The following EPHA7 variants were observed in gnomAD, a reference collection of about 807,000 sequenced individuals.
The protein encoded by EPHA7 is ephrin type-A receptor 7.
EPHA7 carries 25 observed loss-of-function variants against 112.6 expected under a neutral mutation model. The observed-to-expected ratio is 0.22, with a 90% CI of 0.16 to 0.31. EPHA7 has a LOEUF of 0.31. Ranked by LOEUF, EPHA7 falls within the 10% of genes least tolerant of loss-of-function variation. The probability of loss-of-function intolerance (pLI) is 1.00; values close to 1 mark genes in which losing one functional copy is unlikely to be tolerated. For synonymous variants in EPHA7, 437 were observed against 406.5 expected, an observed-to-expected ratio of 1.07 and a Z score of -0.90; for missense variants, 962 against 1,212.6, an observed-to-expected ratio of 0.79 and a Z score of 3.07.
rs533414250 is a variant in EPHA7, at chr6:93,272,892, T to C, written c.1325-470A>G. Among the ~76,000 whole-genome samples the C allele has an allele frequency of 3.0e-4, 46 of 152,084 alleles. No homozygotes were observed. In the South Asian group the frequency reaches 3.1e-3, roughly 10 times the overall value. On this transcript the variant is annotated intron_variant, in intron 5 of 16. Coordinates refer to ENST00000369303, the MANE Select transcript of EPHA7 (RefSeq NM_004440.4). ...ATTAAAGGAATCATATTTTTAAAAA[T>C]GTTTCCATGTTTCACTTGGTGTGTG...
chr6:93,295,513 A>G (rs1741215802), intron 5 of EPHA7, among the ~76,000 whole-genome samples: 1 of 151,402 alleles, frequency 6.6e-6, no homozygotes, highest in African/African-American at 2.4e-5. Flanking sequence ...TTATCTAATT[A>G]TACTTAAATA....
At chr6:93,412,034 C>T (rs946443322) in intron 2 of EPHA7, among the ~76,000 whole-genome samples, 1 of 152,026 alleles carries the variant, frequency 6.6e-6, no homozygotes, top group African/African-American at 2.4e-5. Context: ...GCAACAATTT[C>T]AAACTATTAA....
chr6:93,413,620 T>C (rs1187788934), intron 2 of EPHA7, among the ~76,000 whole-genome samples: 2 of 151,920 alleles, frequency 1.3e-5, no homozygotes, highest in Admixed American at 6.6e-5. Flanking sequence ...TTATATTTAA[T>C]CTGTAAAATG....
chr6:93,286,155 CACACACACACCCT>C (rs1772050410), intron 5 of EPHA7, among the ~76,000 whole-genome samples: 1 of 152,022 alleles, frequency 6.6e-6, no homozygotes, highest in African/African-American at 2.4e-5. Flanking sequence ...TACACACACA[CACACACACACCCT>C]ACACACACAC....
At position 93,246,852 on chromosome 6, in the gene EPHA7, A is replaced by G. The variant is rs1769976745; in HGVS notation, c.2666T>C (p.Ile889Thr). 6.2e-7 allele frequency: 1 copy of G among 1,613,770 alleles called. No individual in the cohort carries two copies. Among genetic ancestry groups the G allele is most frequent in the African/African-American group, 1.3e-5 (1 of 74,910 alleles). ...TGGGTTTCGAATCATTTTGTCTAGA[A>G]TTCCAACTATCTGTTCAAATTTTGG... ...ERPKFEQIVGILDKMIRNPNS... is the reference protein window; with the variant it reads ...ERPKFEQIVGTLDKMIRNPNS... The change falls in exon 15 of 17, where the codon ATT (isoleucine) becomes ACT (threonine). Residue 889 changes from isoleucine (I) to threonine (T), a missense_variant. Coordinates refer to ENST00000369303, the MANE Select transcript of EPHA7 (RefSeq NM_004440.4).
intron 3 of EPHA7, among the ~76,000 whole-genome samples, chr6:93,376,225 C>T (rs143373277): frequency 6.6e-6 from 1 of 152,150 alleles, no homozygotes; most frequent in Non-Finnish European, 1.5e-5. Context: ...TCACTGTAGC[C>T]TCAATTGCTG....
chr6:93,313,383 G>A (rs164289), intron 5 of EPHA7, among the ~76,000 whole-genome samples: 93,279 of 151,756 alleles, frequency 0.61, 28,884 homozygotes, highest in African/African-American at 0.71. Context: ...TATAGATGAA[G>A]AGTTGGGAAA....
chr6:93,370,741 G>A (rs946917609), intron 3 of EPHA7, among the ~76,000 whole-genome samples: 1 of 151,988 alleles, frequency 6.6e-6, no homozygotes, highest in African/African-American at 2.4e-5. Context: ...GGAGGGGCAC[G>A]ACAAAACTAA....
intron 7 of EPHA7, among the ~76,000 whole-genome samples, chr6:93,265,763 G>A (rs1181532641): frequency 6.6e-6 from 1 of 151,582 alleles, no homozygotes; most frequent in African/African-American, 2.4e-5. Flanking sequence ...TTAATTTAAG[G>A]CAGGATGGGA....
At chr6:93,309,459 A>ATATTT (rs1773421229) in intron 5 of EPHA7, among the ~76,000 whole-genome samples, 1 of 152,076 alleles carries the variant, frequency 6.6e-6, no homozygotes, top group African/African-American at 2.4e-5. Context: ...TTTTTTCAGC[A>ATATTT]CTTATAATCA....
At chr6:93,321,199 C>T (rs1219809547) in intron 5 of EPHA7, among the ~76,000 whole-genome samples, 1 of 151,930 alleles carries the variant, frequency 6.6e-6, no homozygotes, top group Non-Finnish European at 1.5e-5. Flanking sequence ...CTGGTCTCCA[C>T]CAAGTTTGTC....
At chr6:93,328,547 G>T in intron 5 of EPHA7, among the ~76,000 whole-genome samples, 1 of 151,400 alleles carries the variant, frequency 6.6e-6, no homozygotes, top group East Asian at 1.9e-4. Flanking sequence ...TTTCTAAAGT[G>T]CATCATAAGT....
Position 93,302,655 on chromosome 6 carries a change from T to A in EPHA7, c.1325-30233A>T, listed in dbSNP as rs530032534. 6.6e-5 allele frequency among the ~76,000 whole-genome samples: 10 copies of A among 152,236 alleles called. No homozygotes were observed. In the South Asian group the frequency reaches 1.9e-3, roughly 28 times the overall value. On this transcript the variant is annotated intron_variant, in intron 5 of 16. Coordinates refer to ENST00000369303, the MANE Select transcript of EPHA7 (RefSeq NM_004440.4). ...CAACATATATTTGAAACAGAGATAA[T>A]TTAATTTATGAAGTTGTTTATACAG...
In EPHA7 at chr6:93,407,448, C is replaced by A. The variant is rs547981489; in HGVS notation, c.832+3053G>T. 1.7e-4 allele frequency among the ~76,000 whole-genome samples: 26 copies of A among 152,074 alleles called. No homozygotes were observed. The South Asian group carries it at 5.2e-3, about 30-fold the overall frequency. ...CTTGCAGCAATGCATTGGAATTATG[C>A]CAAGGAGGGAAGTGTTTTTGCAAAT... On this transcript the variant is annotated intron_variant, in intron 3 of 16. Transcript: ENST00000369303.
chr6:93,387,424 T>A (rs893173874), intron 3 of EPHA7, among the ~76,000 whole-genome samples: 3 of 152,126 alleles, frequency 2.0e-5, no homozygotes, highest in Non-Finnish European at 4.4e-5. Context: ...ATTCCCAACT[T>A]TCCCACATCT....
At chr6:93,416,833 C>A (rs972775842) in intron 1 of EPHA7, among the ~76,000 whole-genome samples, 5 of 150,680 alleles carry the variant, frequency 3.3e-5, no homozygotes, top group African/African-American at 1.2e-4. Flanking sequence ...CAGACCCAGG[C>A]AACGACCGCG....
intron 5 of EPHA7, among the ~76,000 whole-genome samples, chr6:93,296,027 A>G (rs971451267): frequency 6.6e-6 from 1 of 151,860 alleles, no homozygotes; most frequent in Non-Finnish European, 1.5e-5. Flanking sequence ...TAATTAAAAT[A>G]TTAATACTTT....
At chr6:93,302,113 C>A (rs1773016472) in intron 5 of EPHA7, among the ~76,000 whole-genome samples, 1 of 152,082 alleles carries the variant, frequency 6.6e-6, no homozygotes, top group South Asian at 2.1e-4. Context: ...CTTCTATAAC[C>A]TTGAAAGTCT....
chr6:93,335,644 C>T (rs1774829408), intron 5 of EPHA7, among the ~76,000 whole-genome samples: 1 of 151,838 alleles, frequency 6.6e-6, no homozygotes, highest in Non-Finnish European at 1.5e-5. Context: ...AATAATCATC[C>T]ACAGTTTTCA....
Sources: allele counts gnomAD v4.1 joint callset (sites outside exome capture counted in the v4.1 genomes callset), GRCh38; gene constraint gnomAD v4.1.1; transcripts MANE v1.5; gene names NCBI Gene and HGNC (gene_info 2026-07-23, HGNC 2026-07-21).